NRCAM: variants seen among roughly 807,000 people sequenced by gnomAD.
The protein encoded by NRCAM is NgCAM-related cell adhesion molecule.
A neutral mutation model predicts 156.5 loss-of-function variants in NRCAM; 83 were observed. The ratio of observed to expected loss-of-function variants is 0.53; its 90% CI spans 0.44 to 0.64. The LOEUF (loss-of-function observed/expected upper bound fraction) is 0.64. Ranked by LOEUF, NRCAM falls within the 30% of genes least tolerant of loss-of-function variation. The pLI is 0.00. For synonymous variants in NRCAM, 538 were observed against 563.9 expected (o/e 0.95, Z 0.65); for missense variants, 1,417 against 1,597.3 (o/e 0.89, Z 1.92).
intron 20 of NRCAM, 125 bp downstream of exon 20, chr7:108,189,520 T>A: frequency 1.6e-6 from 1 of 623,306 alleles, no homozygotes; most frequent in East Asian, 3.0e-5. Context: ...AATATTTTTA[T>A]TCTATCAGTA....
Position 108,194,168 on chromosome 7 carries a change from G to C in NRCAM, c.1634C>G (p.Pro545Arg). The C allele has an allele frequency of 1.9e-6, 3 of 1,613,922 alleles. No individual in the cohort carries two copies. Among genetic ancestry groups the C allele is most frequent in the Non-Finnish European group, 2.5e-6 (3 of 1,179,828 alleles). Residue 545 changes from proline (P) to arginine (R), a missense_variant, in exon 17 of 33, where the codon CCT becomes CGT. Physicochemically the swap from Pro to Arg is moderately radical, Grantham distance 103 (BLOSUM62 -2). Coordinates refer to ENST00000379028, the MANE Select transcript of NRCAM (RefSeq NM_001037132.4). ...KNEVHLEIKD[P>R]TWIVKQPEYA... Reference sequence around the variant, plus strand: ...TTCGGGCTGTTTAACGATCCATGTAGGATCTGAAATGTAGAGTCATCGTTA... The same window carrying C: ...TTCGGGCTGTTTAACGATCCATGTACGATCTGAAATGTAGAGTCATCGTTA...
In NRCAM at chr7:108,191,870, T is replaced by C; in HGVS notation, c.1779-17A>G. The C allele has an allele frequency of 6.2e-7, 1 of 1,609,818 alleles. No individual in the cohort carries two copies. Among genetic ancestry groups the C allele is most frequent in the Non-Finnish European group, 8.5e-7 (1 of 1,177,968 alleles). ...ACAGTGAACCTGTGGATAGAATGCA[T>C]TCAGAGCAGCTGAAATGGACATGCA... is the stretch of plus-strand genomic sequence containing the variant. On this transcript the variant is annotated splice_polypyrimidine_tract_variant and intron_variant, in intron 17 of 32. Transcript: ENST00000379028.
At chr7:108,433,017 C>T (rs1048092555) in intron 1 of NRCAM, among the ~76,000 whole-genome samples, 3 of 152,070 alleles carry the variant, frequency 2.0e-5, no homozygotes, top group East Asian at 3.9e-4. Context: ...TGTGTTTTGG[C>T]CCAAAGATAA....
chr7:108,198,120 A>G, intron 13 of NRCAM, 21 bp from the exon 14 acceptor site: 7 of 1,579,046 alleles, frequency 4.4e-6, no homozygotes, highest in South Asian at 1.2e-5. Flanking sequence ...GTAAAAATAG[A>G]AAGTATTTAT....
chr7:108,194,620 A>G (rs769755573), intron 15 of NRCAM, among the ~76,000 whole-genome samples, 192 bp from the exon 16 acceptor site: 2 of 152,206 alleles, frequency 1.3e-5, no homozygotes, highest in Non-Finnish European at 2.9e-5. Flanking sequence ...CAGAGAGGAG[A>G]AGTGAAACGG....
intron 2 of NRCAM, among the ~76,000 whole-genome samples, chr7:108,327,590 T>C (rs1407155191): frequency 2.0e-5 from 3 of 152,188 alleles, no homozygotes; most frequent in Admixed American, 6.5e-5. Context: ...AATCACACCA[T>C]GTTTCATTTC....
At position 108,399,596 on chromosome 7, in the gene NRCAM, G is replaced by GA; in HGVS notation, c.-331-4dup. 1 of 152,008 alleles carries GA rather than the reference G, an allele frequency of 6.6e-6. No individual in the cohort carries two copies. Among genetic ancestry groups the GA allele is most frequent in the African/African-American group, 2.4e-5 (1 of 41,508 alleles). 9.4% of individuals were successfully genotyped at this position (152,008 alleles called of 1,614,324 possible). ...GAGAGAGAATGTCACAAAGATTCCT[G>GA]AAAAAGAAAAAAAGTAACACAGGAC... is the stretch of plus-strand genomic sequence containing the variant. On this transcript the variant is annotated splice_region_variant and splice_polypyrimidine_tract_variant and intron_variant, in intron 1 of 32. Coordinates refer to ENST00000379028, the MANE Select transcript of NRCAM (RefSeq NM_001037132.4).
At chr7:108,433,902 T>A (rs1828912938) in intron 1 of NRCAM, among the ~76,000 whole-genome samples, 2 of 152,210 alleles carry the variant, frequency 1.3e-5, no homozygotes, top group South Asian at 4.1e-4. Flanking sequence ...TCAAATGTAT[T>A]CCTAGGCCCA....
At chr7:108,341,642 G>A (rs2099278430) in intron 2 of NRCAM, among the ~76,000 whole-genome samples, 1 of 152,034 alleles carries the variant, frequency 6.6e-6, no homozygotes, top group South Asian at 2.1e-4. Flanking sequence ...AGGACAATAT[G>A]GATGAGCAAA....
chr7:108,255,592 T>C (rs1429064490), intron 3 of NRCAM, among the ~76,000 whole-genome samples: 1 of 152,102 alleles, frequency 6.6e-6, no homozygotes, highest in East Asian at 1.9e-4. Context: ...CGCCACCCCG[T>C]CTGGGAAGTG....
intron 3 of NRCAM, among the ~76,000 whole-genome samples, chr7:108,290,297 A>G (rs12671200): frequency 0.038 from 5,784 of 152,230 alleles, 162 homozygotes; most frequent in South Asian, 0.11. Flanking sequence ...AAAAGCAGAA[A>G]GCAAAAAGGA....
intron 2 of NRCAM, among the ~76,000 whole-genome samples, chr7:108,388,172 T>C (rs1191129316): frequency 5.9e-5 from 9 of 152,190 alleles, no homozygotes; most frequent in South Asian, 2.1e-4. Context: ...TACAGTCCCA[T>C]CAACAGTGTA....
rs58975301 is a variant in NRCAM at position 108,335,434 on chromosome 7, C to CTTTTTTTTTTTTTTTTT, written c.-173-22720_-173-22704dup. Reference sequence around the variant, plus strand: ...ATGTCCTGTGGATCTGTTCCACCTGCTTTTTTTTTTTTTTTTTTTTTTTTT... The same window carrying CTTTTTTTTTTTTTTTTT: ...ATGTCCTGTGGATCTGTTCCACCTGCTTTTTTTTTTTTTTTTTTTTTTTTTTTTTTTTTTTTTTTTTT... On this transcript the variant is annotated intron_variant, in intron 2 of 32. Transcript: ENST00000379028. 2.7e-4 allele frequency among the ~76,000 whole-genome samples: 19 copies of CTTTTTTTTTTTTTTTTT among 69,876 alleles called. 2 individuals carry two copies. The highest frequency in any genetic ancestry group is 2.1e-3 in the East Asian group (4 of 1,914). The allele number at this position is 69,876 out of a possible 152,430, so 45.8% of individuals were successfully genotyped here.
intron 2 of NRCAM, among the ~76,000 whole-genome samples, chr7:108,348,140 T>C (rs2099383129): frequency 6.6e-6 from 1 of 152,230 alleles, no homozygotes; most frequent in African/African-American, 2.4e-5. Context: ...TACTTTGTGA[T>C]GTGTCGTATC....
At chr7:108,175,443 T>C (rs953740642) in intron 27 of NRCAM, 86 bp from the exon 28 acceptor site, 3 of 1,183,470 alleles carry the variant, frequency 2.5e-6, no homozygotes, top group African/African-American at 1.6e-5. Flanking sequence ...AAAACACTTA[T>C]TAAAATGCTA....
At chr7:108,376,697 A>G (rs1378213376) in intron 2 of NRCAM, among the ~76,000 whole-genome samples, 1 of 152,206 alleles carries the variant, frequency 6.6e-6, no homozygotes, top group Non-Finnish European at 1.5e-5. Flanking sequence ...ATGCTAGGCA[A>G]GGACAGTATG....
intron 11 of NRCAM, among the ~76,000 whole-genome samples, chr7:108,221,688 G>C (rs1444430725): frequency 6.6e-6 from 1 of 152,106 alleles, no homozygotes; most frequent in Non-Finnish European, 1.5e-5. Context: ...AATGGACTTT[G>C]GGGACTTCAG....
chr7:108,442,522 TGG>T (rs1421411658), intron 1 of NRCAM, among the ~76,000 whole-genome samples: 1 of 152,212 alleles, frequency 6.6e-6, no homozygotes, highest in Non-Finnish European at 1.5e-5. Context: ...GGGAATAAGA[TGG>T]GGTGGTCTAG....
intron 11 of NRCAM, among the ~76,000 whole-genome samples, chr7:108,219,299 C>A (rs2091197430): frequency 6.6e-6 from 1 of 152,112 alleles, no homozygotes; most frequent in African/African-American, 2.4e-5. Context: ...TGGTACCAAT[C>A]CTTTTGACAC....
Sources: gnomAD v4.1 joint callset for allele counts (sites outside exome capture counted in the v4.1 genomes callset) on GRCh38, gnomAD v4.1.1 for gene constraint, MANE v1.5 for transcripts, NCBI Gene and HGNC (gene_info 2026-07-23, HGNC 2026-07-21) for gene names.